The following NLGN4X variants were observed in gnomAD, a reference collection of about 807,000 sequenced individuals.
NLGN4X encodes neuroligin 4 X-linked, also known as neuroligin-4, X-linked.
A neutral mutation model predicts 40.3 loss-of-function variants in NLGN4X; 3 were observed. The ratio of observed to expected loss-of-function variants is 0.07; its 90% CI spans 0.03 to 0.19. NLGN4X has a LOEUF of 0.19. NLGN4X is among the 10% of genes least tolerant of loss of function. NLGN4X has a pLI of 1.00. For missense variants in NLGN4X, 382 were observed against 708.3 expected, an observed-to-expected ratio of 0.54 and a Z score of 5.23; for synonymous variants, 270 against 306.8, an observed-to-expected ratio of 0.88 and a Z score of 1.25.
At chrX:6,193,408 C>CAAA (rs60328753) in intron 1 of NLGN4X, among the ~76,000 whole-genome samples, 2 of 28,332 alleles carry the variant, frequency 7.1e-5, no homozygotes, top group African/African-American at 3.1e-4. Flanking sequence ...GACTCCGTCT[C>CAAA]AAAAAAAAAA....
intron 2 of NLGN4X, among the ~76,000 whole-genome samples, chrX:6,145,154 A>C (rs6529922): frequency 0.26 from 28,443 of 110,463 alleles, 2,692 homozygotes; most frequent in Admixed American, 0.29. Context: ...ACTGGTATAC[A>C]CAAGAACAGC....
intron 1 of NLGN4X, among the ~76,000 whole-genome samples, chrX:6,182,146 T>A (rs964730691): frequency 8.9e-6 from 1 of 111,773 alleles, no homozygotes; most frequent in Non-Finnish European, 1.9e-5. Context: ...ACACAGGATA[T>A]GTAGACAGAT....
intron 2 of NLGN4X, among the ~76,000 whole-genome samples, chrX:6,095,185 G>A (rs2038742460): frequency 9.5e-6 from 1 of 104,851 alleles, no homozygotes; most frequent in Admixed American, 1.0e-4. Context: ...ATAAATATGC[G>A]CTCTGAATTC....
intron 3 of NLGN4X, among the ~76,000 whole-genome samples, chrX:5,932,255 G>A (rs1045878667): frequency 2.5e-4 from 28 of 111,856 alleles, no homozygotes; most frequent in Non-Finnish European, 4.9e-4. Flanking sequence ...GCGCCAGAGT[G>A]ATCTAAAAGT....
chrX:6,138,219 G>T (rs1481861083), intron 2 of NLGN4X, among the ~76,000 whole-genome samples: 1 of 111,816 alleles, frequency 8.9e-6, no homozygotes, highest in African/African-American at 3.3e-5. Context: ...TAAGCCAAGG[G>T]TTTAATGCAT....
In NLGN4X at chrX:5,892,609, T is replaced by A. The variant is rs2031237543; in HGVS notation, c.*208A>T. 2.2e-6 allele frequency: 1 copy of A among 462,416 alleles called. No individual in the cohort carries two copies. Among genetic ancestry groups the A allele is most frequent in the Non-Finnish European group, 3.7e-6 (1 of 273,484 alleles). The allele number at this position is 462,416 out of a possible 1,213,427, so 38.1% of individuals were successfully genotyped here. On this transcript the variant is annotated 3_prime_UTR_variant, in exon 6 of 6. Coordinates refer to ENST00000381095, the MANE Select transcript of NLGN4X (RefSeq NM_181332.3). ...TTCTCACATTTCACAGGGTCAGAAG[T>A]TGATCTTGTAATACTGGAAAACACC... is the stretch of plus-strand genomic sequence containing the variant.
At chrX:5,957,358 C>T (rs2034526896) in intron 3 of NLGN4X, among the ~76,000 whole-genome samples, 1 of 111,460 alleles carries the variant, frequency 9.0e-6, no homozygotes, top group Non-Finnish European at 1.9e-5. Context: ...GAGAGGAGAC[C>T]CCAGATTCGG....
At chrX:6,068,908 GAGA>G (rs769381527) in intron 2 of NLGN4X, among the ~76,000 whole-genome samples, 1 of 112,618 alleles carries the variant, frequency 8.9e-6, no homozygotes, top group South Asian at 3.6e-4. Context: ...TGAGGTGCTA[GAGA>G]AGATGTCTGA....
chrX:5,932,246 C>T (rs948867051), intron 3 of NLGN4X, among the ~76,000 whole-genome samples: 3 of 111,521 alleles, frequency 2.7e-5, no homozygotes, highest in East Asian at 2.8e-4. Context: ...TTCTTCAGTG[C>T]GCCAGAGTGA....
chrX:5,907,460 G>C (rs1356935972), intron 4 of NLGN4X, among the ~76,000 whole-genome samples: 2 of 111,869 alleles, frequency 1.8e-5, no homozygotes, highest in African/African-American at 6.5e-5. Context: ...TCAGGGGTGT[G>C]GCTGCCTATG....
intron 3 of NLGN4X, among the ~76,000 whole-genome samples, chrX:5,913,190 A>G (rs2032597399): frequency 9.0e-6 from 1 of 111,468 alleles, no homozygotes; most frequent in Non-Finnish European, 1.9e-5. Flanking sequence ...ATTTTTTGCA[A>G]GCTTTTTGAC....
At chrX:5,961,606 G>T (rs772218929) in intron 3 of NLGN4X, among the ~76,000 whole-genome samples, 1 of 111,382 alleles carries the variant, frequency 9.0e-6, no homozygotes, top group East Asian at 2.8e-4. Context: ...ACATTTTCTG[G>T]AATATTCAAT....
At chrX:5,949,284 T>C (rs1458754617) in intron 3 of NLGN4X, among the ~76,000 whole-genome samples, 5 of 112,002 alleles carry the variant, frequency 4.5e-5, no homozygotes, top group Non-Finnish European at 9.4e-5. Flanking sequence ...TTCCAATAGA[T>C]ATGGAAGAGC....
intron 2 of NLGN4X, among the ~76,000 whole-genome samples, chrX:6,100,012 G>A (rs927932754): frequency 1.2e-4 from 13 of 112,098 alleles, no homozygotes; most frequent in Admixed American, 1.0e-3. Flanking sequence ...CCACATATTT[G>A]TTAACAGCAA....
At chrX:6,088,880 T>A (rs2147438860) in intron 2 of NLGN4X, among the ~76,000 whole-genome samples, 1 of 112,002 alleles carries the variant, frequency 8.9e-6, no homozygotes, top group Non-Finnish European at 1.9e-5. Context: ...TTCCCTGAGG[T>A]TAAAGACTTG....
At chrX:6,054,939 A>C (rs1281347886) in intron 2 of NLGN4X, among the ~76,000 whole-genome samples, 10 of 112,407 alleles carry the variant, frequency 8.9e-5, no homozygotes, top group African/African-American at 3.2e-4. Context: ...TACAGGCGTA[A>C]GCCACTGTGC....
chrX:5,893,162 C>G lies in NLGN4X; in HGVS notation c.2106G>C (p.Lys702Asn). 1 of 1,211,681 alleles carries G rather than the reference C, an allele frequency of 8.3e-7. No homozygotes were observed. The highest frequency in any genetic ancestry group is 1.1e-6 in the Non-Finnish European group (1 of 895,461). The change falls in exon 6 of 6, where the codon AAG becomes AAC. Residue 702 changes from lysine (K) to asparagine (N), a missense_variant. Physicochemically the swap from Lys to Asn is moderately conservative, Grantham distance 94. This residue lies in a region of NLGN4X where 149 missense variants were observed against 375.8 expected (regional missense o/e 0.40). Transcript: ENST00000381095. ...GGCGCCTGTGAGTCTCATGGCGCCT[C>G]TTGTCCTTTTTGTAGTACAGCGCCG... is the stretch of plus-strand genomic sequence containing the variant. ...AFAALYYKKD[K>N]RRHETHRRPS...
At chrX:6,203,219 C>A (rs777580972) in intron 1 of NLGN4X, among the ~76,000 whole-genome samples, 1 of 112,446 alleles carries the variant, frequency 8.9e-6, no homozygotes, top group Admixed American at 9.4e-5. Flanking sequence ...CTCAACATGC[C>A]CTTGAGACAA....
chrX:6,171,915 A>C (rs2040614763), intron 1 of NLGN4X, among the ~76,000 whole-genome samples: 1 of 110,891 alleles, frequency 9.0e-6, no homozygotes, highest in South Asian at 3.9e-4. Context: ...GGTACTGTAT[A>C]GTGAGTGAGT....
Sources: gnomAD v4.1 joint callset for allele counts (sites outside exome capture counted in the v4.1 genomes callset) on GRCh38, gnomAD v4.1.1 for gene constraint, gnomAD v4.1.1 regional missense constraint, MANE v1.5 for transcripts, NCBI Gene and HGNC (gene_info 2026-07-23, HGNC 2026-07-21) for gene names.